Variants in PRKAR1A observed in about 807,000 individuals in gnomAD.
The protein encoded by PRKAR1A is cAMP-dependent protein kinase type I-alpha regulatory subunit.
PRKAR1A carries 3 observed loss-of-function variants against 52.0 expected under a neutral mutation model. The observed-to-expected ratio is 0.06, with a 90% CI of 0.03 to 0.15. The LOEUF (loss-of-function observed/expected upper bound fraction) is 0.15. Among genes scored for constraint, PRKAR1A ranks in the 10% least tolerant of loss-of-function variants. PRKAR1A has a pLI of 1.00. For missense variants in PRKAR1A, 240 were observed against 477.4 expected (o/e 0.50, Z 4.63); for synonymous variants, 188 against 168.4 (o/e 1.12, Z -0.90).
At chr17:68,449,703 C>G in the PRKAR1A span, among the ~76,000 whole-genome samples, 2 of 152,208 alleles carry the variant, frequency 1.3e-5, no homozygotes, top group African/African-American at 2.4e-5. Context: ...TCCCTGAGCC[C>G]TCCCCAGAAG....
chr17:68,519,875 G>A (rs1027024320), intron 2 of PRKAR1A, among the ~76,000 whole-genome samples: 5 of 152,202 alleles, frequency 3.3e-5, no homozygotes, highest in Admixed American at 1.3e-4. Flanking sequence ...TCAAATGTAC[G>A]AGGTATGTGA....
chr17:68,531,626 G>A lies in PRKAR1A; in HGVS notation c.*1177G>A. On this transcript the variant is annotated 3_prime_UTR_variant, in exon 11 of 11. Transcript: ENST00000589228. ...GTTGATGGTAGGGTATAATGTGTCTGTGTTGCTTCAAATTGGTCTGAAAGG... is the reference window on the plus strand; with the variant it reads ...GTTGATGGTAGGGTATAATGTGTCTATGTTGCTTCAAATTGGTCTGAAAGG... The A allele has an allele frequency of 2.8e-6, 3 of 1,066,314 alleles. No individual in the cohort carries two copies. The highest frequency in any genetic ancestry group is 3.4e-6 in the Non-Finnish European group (3 of 879,636). 66.1% of individuals were successfully genotyped at this position (1,066,314 alleles called of 1,614,324 possible). A position where few individuals can be genotyped will look rare whatever the true frequency, so the allele number is the denominator to read the frequency against.
the PRKAR1A span, among the ~76,000 whole-genome samples, chr17:68,475,968 T>C: frequency 3.9e-5 from 6 of 152,208 alleles, no homozygotes; most frequent in Non-Finnish European, 5.9e-5. Context: ...AATGTGATGT[T>C]GATTTTTTGG....
At chr17:68,458,705 A>G in the PRKAR1A span, among the ~76,000 whole-genome samples, 2 of 152,250 alleles carry the variant, frequency 1.3e-5, no homozygotes, top group Non-Finnish European at 2.9e-5. Flanking sequence ...CCCATGCGGA[A>G]TTACTGTCAA....
the PRKAR1A span, among the ~76,000 whole-genome samples, chr17:68,503,100 A>G: frequency 6.6e-6 from 1 of 152,376 alleles, no homozygotes; most frequent in South Asian, 2.1e-4. Context: ...CAGATGGCAA[A>G]TAAGCACAAA....
At chr17:68,516,784 T>C (rs1399963424) in intron 2 of PRKAR1A, among the ~76,000 whole-genome samples, 1 of 152,160 alleles carries the variant, frequency 6.6e-6, no homozygotes, top group East Asian at 1.9e-4. Context: ...GTCTTGGAAT[T>C]ATAGTAGATA....
chr17:68,537,496 T>A (rs756300365), downstream of PRKAR1A: 4 of 1,613,908 alleles, frequency 2.5e-6, no homozygotes. The surrounding 1 kb of genome is among the most constrained non-coding windows in gnomAD (Gnocchi z 4.2). Context: ...CAAGTTAGCC[T>A]GGCCAGAGTC....
intron 11 of PRKAR1A, chr17:68,542,840 G>A (rs2086370297): frequency 6.6e-7 from 1 of 1,518,124 alleles, no homozygotes; most frequent in African/African-American, 1.4e-5. Context: ...TTCCATCTGA[G>A]GGATGATCAG....
the PRKAR1A span, among the ~76,000 whole-genome samples, chr17:68,485,365 T>C: frequency 2.6e-5 from 4 of 152,228 alleles, no homozygotes; most frequent in Non-Finnish European, 4.4e-5. Context: ...TGTTGTATAA[T>C]GCAGCAGTGG....
chr17:68,426,532 A>C, the PRKAR1A span, among the ~76,000 whole-genome samples: 1 of 151,826 alleles, frequency 6.6e-6, no homozygotes, highest in Non-Finnish European at 1.5e-5. Context: ...TGGAAATTTT[A>C]GTTTAGTTTT....
the PRKAR1A span, among the ~76,000 whole-genome samples, chr17:68,415,811 T>TCCC: frequency 7.2e-4 from 110 of 152,310 alleles, no homozygotes; most frequent in Non-Finnish European, 7.5e-4. Flanking sequence ...TTAAAGTTGG[T>TCCC]TTTGTCTGAT....
chr17:68,515,662 G>A (rs1330807435), intron 2 of PRKAR1A, 86 bp downstream of exon 2: 1 of 1,437,978 alleles, frequency 7.0e-7, no homozygotes. Context: ...GTATTTTTTG[G>A]AAGAAAAGGA....
intron 7 of PRKAR1A, among the ~76,000 whole-genome samples, chr17:68,526,414 T>C (rs1380742322): frequency 6.6e-6 from 1 of 152,192 alleles, no homozygotes; most frequent in East Asian, 1.9e-4. Flanking sequence ...TAGTCAGATT[T>C]TTTGAGAACG....
At chr17:68,515,279 C>T (rs975891693) in intron 1 of PRKAR1A, 115 bp from the exon 2 acceptor site, 1 of 1,204,282 alleles carries the variant, frequency 8.3e-7, no homozygotes, top group African/African-American at 1.5e-5. Context: ...AAAACAAAAT[C>T]TACTTAGAAA....
At position 68,540,779 on chromosome 17, in the gene PRKAR1A, C is replaced by T. The variant is rs150919007; in HGVS notation, c.974-10305C>T. ...ATGAACCAGGTTGTAAGTTTGTGCTCAAGGTCACGGGGAACCCTAGCCACA... is the reference window on the plus strand; with the variant it reads ...ATGAACCAGGTTGTAAGTTTGTGCTTAAGGTCACGGGGAACCCTAGCCACA... On this transcript the variant is annotated intron_variant, in intron 11 of 11. Coordinates refer to the PRKAR1A transcript ENST00000585981. The T allele has an allele frequency of 4.6e-3, 7,055 of 1,543,310 alleles. 24 individuals are homozygous for T. The highest frequency in any genetic ancestry group is 6.6e-3 in the Admixed American group (337 of 51,102).
chr17:68,465,269 C>T, the PRKAR1A span, among the ~76,000 whole-genome samples: 1 of 151,916 alleles, frequency 6.6e-6, no homozygotes, highest in Non-Finnish European at 1.5e-5. Flanking sequence ...CCTTGTCTAT[C>T]TGGTCCCTTC....
chr17:68,535,759 G>C, downstream of PRKAR1A: 4 of 452,780 alleles, frequency 8.8e-6, no homozygotes, highest in South Asian at 6.2e-5. Flanking sequence ...CGATCTGCCT[G>C]TTTAGGCCCA....
the PRKAR1A span, chr17:68,450,830 G>A: frequency 1.9e-6 from 3 of 1,614,200 alleles, no homozygotes; most frequent in Middle Eastern, 3.3e-4. Flanking sequence ...GTGGTTTTGT[G>A]TGACTGACTA....
At chr17:68,456,593 C>T in the PRKAR1A span, among the ~76,000 whole-genome samples, 3 of 152,224 alleles carry the variant, frequency 2.0e-5, no homozygotes, top group Non-Finnish European at 1.5e-5. Context: ...CAAATGTGAA[C>T]ATCGAAGTAA....
Sources: allele counts gnomAD v4.1 joint callset (sites outside exome capture counted in the v4.1 genomes callset), GRCh38; gene constraint gnomAD v4.1.1; non-coding constraint Gnocchi (gnomAD v3.1); transcripts MANE v1.5; gene names NCBI Gene and HGNC (gene_info 2026-07-23, HGNC 2026-07-21).